KCNS3: variants seen among roughly 807,000 people sequenced by gnomAD.
The protein encoded by KCNS3 is potassium voltage-gated channel modifier subfamily S member 3.
A neutral mutation model predicts 31.0 loss-of-function variants in KCNS3; 13 were observed. That is an observed-to-expected ratio of 0.42 (90% CI 0.27 to 0.67). The LOEUF (loss-of-function observed/expected upper bound fraction) is 0.67, where lower values mean the gene tolerates loss of function less well. Ranked by LOEUF, KCNS3 falls within the 30% of genes least tolerant of loss-of-function variation. The pLI is 0.25. For synonymous variants in KCNS3, 238 were observed against 241.5 expected, an observed-to-expected ratio of 0.99 and a Z score of 0.13; for missense variants, 545 against 622.4, an observed-to-expected ratio of 0.88 and a Z score of 1.32.
chr2:17,904,767 C>G (rs1403633469), intron 1 of KCNS3, among the ~76,000 whole-genome samples: 1 of 150,964 alleles, frequency 6.6e-6, no homozygotes, highest in Non-Finnish European at 1.5e-5. Flanking sequence ...ATCAGATGGT[C>G]GTAGATGTGT....
intron 1 of KCNS3, among the ~76,000 whole-genome samples, chr2:17,880,409 G>C (rs553727959): frequency 6.6e-6 from 1 of 152,310 alleles, no homozygotes; most frequent in Non-Finnish European, 1.5e-5. Context: ...AGTCTAGTCT[G>C]TTCTTTCTTT....
At chr2:17,929,558 C>T (rs1260159210) in intron 2 of KCNS3, among the ~76,000 whole-genome samples, 1 of 152,196 alleles carries the variant, frequency 6.6e-6, no homozygotes, top group African/African-American at 2.4e-5. Flanking sequence ...GATCACAATT[C>T]AACATGAGAT....
intron 1 of KCNS3, among the ~76,000 whole-genome samples, chr2:17,898,187 G>A (rs77826269): frequency 0.031 from 4,580 of 147,866 alleles, 128 homozygotes; most frequent in African/African-American, 0.081. Context: ...GTACCATGCT[G>A]TTTTAGTTAC....
At chr2:17,887,925 C>T (rs1234062334) in intron 1 of KCNS3, among the ~76,000 whole-genome samples, 15 of 152,028 alleles carry the variant, frequency 9.9e-5, no homozygotes, top group Middle Eastern at 3.4e-3. Flanking sequence ...TGATCATTAG[C>T]GATGTTGTGC....
chr2:17,926,501 A>C (rs1005392939), intron 2 of KCNS3, among the ~76,000 whole-genome samples: 9 of 152,238 alleles, frequency 5.9e-5, no homozygotes, highest in African/African-American at 2.2e-4. Flanking sequence ...CTGGACTTCC[A>C]GGCATTTCCA....
At chr2:17,889,306 A>G (rs1335361435) in intron 1 of KCNS3, among the ~76,000 whole-genome samples, 1 of 152,190 alleles carries the variant, frequency 6.6e-6, no homozygotes, top group Admixed American at 6.5e-5. Flanking sequence ...GAATTCTTTT[A>G]TCAGCTCTAG....
At chr2:17,903,179 T>C (rs1462025599) in intron 1 of KCNS3, among the ~76,000 whole-genome samples, 1 of 152,222 alleles carries the variant, frequency 6.6e-6, no homozygotes, top group Non-Finnish European at 1.5e-5. Flanking sequence ...TTGGCAAATG[T>C]CAACCAACTC....
In KCNS3 at chr2:17,895,893, A is replaced by G. The variant is rs559238219; in HGVS notation, c.-252+17087A>G. 4.6e-5 allele frequency among the ~76,000 whole-genome samples: 7 copies of G among 152,230 alleles called. No individual in the cohort carries two copies. The South Asian group carries it at 1.2e-3, about 27-fold the overall frequency. On this transcript the variant is annotated intron_variant, in intron 1 of 2. Transcript: ENST00000304101. ...GCAGCTGGGGATGGTAAATAATTTG[A>G]TGGAGTAAGGCAGAGGTATGAGGTA...
intron 2 of KCNS3, among the ~76,000 whole-genome samples, chr2:17,919,227 T>C (rs1662658457): frequency 6.6e-6 from 1 of 152,040 alleles, no homozygotes; most frequent in Admixed American, 6.5e-5. Context: ...AGGGAGTGAG[T>C]ACAACTTTAA....
chr2:17,914,930 G>A (rs998807346), intron 1 of KCNS3, among the ~76,000 whole-genome samples: 1 of 152,230 alleles, frequency 6.6e-6, no homozygotes, highest in Admixed American at 6.5e-5. Flanking sequence ...GAATGGTGCA[G>A]GGAGTCATTC....
At chr2:17,886,940 T>A (rs188449631) in intron 1 of KCNS3, among the ~76,000 whole-genome samples, 2 of 145,386 alleles carry the variant, frequency 1.4e-5, no homozygotes, top group Non-Finnish European at 3.0e-5. Flanking sequence ...AGAACTTTGT[T>A]TTTTAAGCAG....
At chr2:17,882,509 G>A (rs189101056) in intron 1 of KCNS3, among the ~76,000 whole-genome samples, 2 of 152,340 alleles carry the variant, frequency 1.3e-5, no homozygotes, top group Admixed American at 1.3e-4. Flanking sequence ...AGCAGAACAG[G>A]AGGGAGTGAG....
At chr2:17,929,087 A>C (rs1243658401) in intron 2 of KCNS3, among the ~76,000 whole-genome samples, 2 of 152,172 alleles carry the variant, frequency 1.3e-5, no homozygotes, top group Non-Finnish European at 2.9e-5. Context: ...CTTGTTGATT[A>C]AGACCCTTTA....
At chr2:17,897,701 T>C (rs1369183624) in intron 1 of KCNS3, among the ~76,000 whole-genome samples, 1 of 152,290 alleles carries the variant, frequency 6.6e-6, no homozygotes, top group East Asian at 1.9e-4. Flanking sequence ...TAATTTGCAA[T>C]TTTTTTCTCC....
At chr2:17,924,199 A>T (rs1662783947) in intron 2 of KCNS3, among the ~76,000 whole-genome samples, 1 of 151,804 alleles carries the variant, frequency 6.6e-6, no homozygotes, top group African/African-American at 2.4e-5. Context: ...TTTGTATATC[A>T]ATCTAGTATC....
intron 1 of KCNS3, among the ~76,000 whole-genome samples, chr2:17,912,033 T>C (rs188311916): frequency 3.3e-5 from 5 of 152,344 alleles, no homozygotes; most frequent in African/African-American, 1.2e-4. Flanking sequence ...TACAGAGTAT[T>C]CATTGCATGG....
chr2:17,909,167 C>T (rs1053392185), intron 1 of KCNS3, among the ~76,000 whole-genome samples: 1 of 152,246 alleles, frequency 6.6e-6, no homozygotes, highest in African/African-American at 2.4e-5. Context: ...GCGGGCGCCC[C>T]TCCCCCAGCC....
At chr2:17,908,353 C>A (rs1041852645) in intron 1 of KCNS3, among the ~76,000 whole-genome samples, 1 of 152,166 alleles carries the variant, frequency 6.6e-6, no homozygotes, top group South Asian at 2.1e-4. Flanking sequence ...TTCTCGTTAG[C>A]CATTCTTCTA....
At chr2:17,917,101 T>A (rs192543760) in intron 1 of KCNS3, among the ~76,000 whole-genome samples, 2 of 152,318 alleles carry the variant, frequency 1.3e-5, no homozygotes, top group East Asian at 3.9e-4. Context: ...AACACACACT[T>A]CATATACATA....
Sources: gnomAD v4.1 joint callset for allele counts (sites outside exome capture counted in the v4.1 genomes callset) on GRCh38, gnomAD v4.1.1 for gene constraint, MANE v1.5 for transcripts, NCBI Gene and HGNC (gene_info 2026-07-23, HGNC 2026-07-21) for gene names.